The following AHI1 variants were observed in gnomAD, a reference collection of about 807,000 sequenced individuals.
AHI1 encodes the protein Abelson helper integration site 1, also known as jouberin.
AHI1 carries 123 observed loss-of-function variants against 149.3 expected under a neutral mutation model. The ratio of observed to expected loss-of-function variants is 0.82; its 90% confidence interval spans 0.71 to 0.96. The LOEUF (loss-of-function observed/expected upper bound fraction) is 0.96, where lower values mean the gene tolerates loss of function less well. Among genes scored for constraint, AHI1 ranks in the 40% least tolerant of loss-of-function variants. AHI1 has a pLI of 0.00. For synonymous variants in AHI1, 475 were observed against 459.8 expected, an observed-to-expected ratio of 1.03 and a Z score of -0.42; for missense variants, 1,439 against 1,422.7, an observed-to-expected ratio of 1.01 and a Z score of -0.18.
chr6:135,340,306 A>C lies in AHI1; in HGVS notation c.3166-16982T>G, dbSNP rs1410166836. Among the ~76,000 whole-genome samples the C allele has an allele frequency of 2.0e-5, 3 of 152,082 alleles. No individual in the cohort carries two copies. The East Asian group carries it at 5.8e-4, about 30-fold the overall frequency. On this transcript the variant is annotated intron_variant, in intron 24 of 28. Coordinates refer to ENST00000265602, the MANE Select transcript of AHI1 (RefSeq NM_001134831.2). The stretch of plus-strand genomic sequence containing the variant: ...CGAATTGCCTGAACCTGGGAGGTGG[A>C]GGTTGCGGTAAGCTGAGATCGCACC...
intron 25 of AHI1, among the ~76,000 whole-genome samples, chr6:135,320,126 T>C (rs541701153): frequency 1.3e-5 from 2 of 152,330 alleles, no homozygotes; most frequent in South Asian, 4.1e-4. Flanking sequence ...AATTGAGTTT[T>C]TTGTTAAATT....
At chr6:135,307,473 C>G (rs779014095) in intron 26 of AHI1, among the ~76,000 whole-genome samples, 103 of 152,080 alleles carry the variant, frequency 6.8e-4, no homozygotes, top group Admixed American at 1.6e-3. Context: ...TTGAGTCTCA[C>G]AAAGCTGGAT....
intron 7 of AHI1, 59 bp from the exon 8 acceptor site, chr6:135,463,365 C>G: frequency 1.5e-6 from 2 of 1,354,860 alleles, no homozygotes; most frequent in Non-Finnish European, 2.0e-6. Flanking sequence ...AATTATTATT[C>G]ATGATGCAAC....
At chr6:135,490,556 A>T in intron 5 of AHI1, 67 bp downstream of exon 5, 1 of 1,577,354 alleles carries the variant, frequency 6.3e-7, no homozygotes, top group Non-Finnish European at 8.7e-7. Flanking sequence ...TTTTAACATA[A>T]AATGCAGCCA....
intron 24 of AHI1, among the ~76,000 whole-genome samples, chr6:135,356,528 G>A (rs928986760): frequency 2.0e-5 from 3 of 152,116 alleles, no homozygotes; most frequent in Non-Finnish European, 4.4e-5. Context: ...GGGGAGAGAG[G>A]TAGTAACATC....
chr6:135,289,810 G>A (rs1562437586), intron 28 of AHI1, among the ~76,000 whole-genome samples: 1 of 152,170 alleles, frequency 6.6e-6, no homozygotes, highest in Non-Finnish European at 1.5e-5. Context: ...ATTTATAAAT[G>A]TGGACATGAA....
chr6:135,401,263 A>G (rs1407659166), intron 22 of AHI1, among the ~76,000 whole-genome samples: 1 of 152,088 alleles, frequency 6.6e-6, no homozygotes, highest in Non-Finnish European at 1.5e-5. Flanking sequence ...TATTTTCTTC[A>G]CATCACTTAT....
chr6:135,358,358 T>G (rs1793319275), intron 23 of AHI1, among the ~76,000 whole-genome samples, 171 bp from the exon 24 acceptor site: 2 of 152,196 alleles, frequency 1.3e-5, no homozygotes, highest in African/African-American at 4.8e-5. Context: ...AATTCTTTGG[T>G]CAGAAACAGT....
chr6:135,490,699 A>G lies in AHI1; in HGVS notation c.59T>C (p.Leu20Pro), dbSNP rs1205131431. Residue 20 changes from leucine (L) to proline (P), a missense_variant, in exon 5 of 29, where the codon CTT (leucine) becomes CCT (proline). By Grantham distance (98) the Leu-to-Pro change is moderately conservative. Coordinates refer to ENST00000265602, the MANE Select transcript of AHI1 (RefSeq NM_001134831.2). ...ACGCATTAGATCACTGTGGGTCTTA[A>G]GCAATTCTTCAAAGCGAACTTTGGT... ...VKTKVRFEEL[L>P]KTHSDLMREK... 2 of 1,613,478 alleles carry G rather than the reference A, an allele frequency of 1.2e-6. No individual in the cohort carries two copies. The highest frequency in any genetic ancestry group is 3.3e-5 in the Admixed American group (2 of 60,016).
At chr6:135,463,837 A>G (rs1351200792) in intron 7 of AHI1, among the ~76,000 whole-genome samples, 1 of 151,916 alleles carries the variant, frequency 6.6e-6, no homozygotes, top group African/African-American at 2.4e-5. Flanking sequence ...CTGCTGCCTC[A>G]ACCTCCCAGG....
At chr6:135,463,339 G>C (rs762703705) in intron 7 of AHI1, 33 bp from the exon 8 acceptor site, 1 of 1,488,892 alleles carries the variant, frequency 6.7e-7, no homozygotes, top group Non-Finnish European at 9.1e-7. Context: ...AGCCATTACA[G>C]ATATATTATC....
At chr6:135,418,949 T>G (rs1782760472) in intron 20 of AHI1, among the ~76,000 whole-genome samples, 1 of 151,788 alleles carries the variant, frequency 6.6e-6, no homozygotes, top group Admixed American at 6.6e-5. Flanking sequence ...TTATAATTTT[T>G]TTTTTTTTTT....
intron 26 of AHI1, among the ~76,000 whole-genome samples, chr6:135,307,954 A>G (rs762915220): frequency 6.6e-6 from 1 of 152,184 alleles, no homozygotes; most frequent in African/African-American, 2.4e-5. Context: ...ACAAAGAATT[A>G]TCCAGCCCCA....
chr6:135,336,220 G>A (rs754125668), intron 24 of AHI1, among the ~76,000 whole-genome samples: 1 of 151,474 alleles, frequency 6.6e-6, no homozygotes, highest in Non-Finnish European at 1.5e-5. Flanking sequence ...GGTCCCATAT[G>A]ATAATGGAGC....
chr6:135,322,965 A>G (rs1178533672), intron 25 of AHI1, among the ~76,000 whole-genome samples, 197 bp downstream of exon 25: 3 of 152,190 alleles, frequency 2.0e-5, no homozygotes, highest in Non-Finnish European at 4.4e-5. Context: ...AAACATTCCA[A>G]TCTCAGAATG....
intron 5 of AHI1, among the ~76,000 whole-genome samples, chr6:135,483,713 T>C (rs1447640895): frequency 6.6e-6 from 1 of 152,172 alleles, no homozygotes; most frequent in Non-Finnish European, 1.5e-5. Context: ...CTGAGCCCAG[T>C]ATATTCTCTT....
intron 23 of AHI1, among the ~76,000 whole-genome samples, chr6:135,364,092 G>A (rs917912032): frequency 1.7e-4 from 25 of 151,124 alleles, no homozygotes; most frequent in African/African-American, 2.2e-4. Flanking sequence ...CCTCCCTCCC[G>A]GACGAGGTGG....
At position 135,490,643 on chromosome 6, in the gene AHI1, T is replaced by C. The variant is rs749976878; in HGVS notation, c.115A>G (p.Arg39Gly). Reference protein sequence around the residue: ...EKKKLKKKLVRSEENISPDTI... With the variant: ...EKKKLKKKLVGSEENISPDTI... ...CTTACTGAGATGTTTTCTTCAGACC[T>C]GACAAGTTTTTTCTTCAGTTTTTTC... The change falls in exon 5 of 29, where the codon AGG (arginine) becomes GGG (glycine). Residue 39 changes from arginine to glycine, a missense_variant. Coordinates refer to ENST00000265602, the MANE Select transcript of AHI1 (RefSeq NM_001134831.2). 1 of 1,613,698 alleles carries C rather than the reference T, an allele frequency of 6.2e-7. No individual in the cohort carries two copies. The highest frequency in any genetic ancestry group is 8.5e-7 in the Non-Finnish European group (1 of 1,179,720).
intron 27 of AHI1, among the ~76,000 whole-genome samples, chr6:135,290,822 C>G (rs988029802): frequency 6.6e-6 from 1 of 151,854 alleles, no homozygotes; most frequent in Non-Finnish European, 1.5e-5. Context: ...TGTGGACTTA[C>G]AGAATAAAAT....
Sources: gnomAD v4.1 joint callset for allele counts (sites outside exome capture counted in the v4.1 genomes callset) on GRCh38, gnomAD v4.1.1 for gene constraint, MANE v1.5 for transcripts, NCBI Gene and HGNC (gene_info 2026-07-23, HGNC 2026-07-21) for gene names.